The following DOT1L variants were observed in gnomAD, a reference collection of about 807,000 sequenced individuals.
DOT1L encodes histone-lysine N-methyltransferase, H3 lysine-79 specific.
A neutral mutation model predicts 153.3 loss-of-function variants in DOT1L; 33 were observed. The observed-to-expected ratio is 0.22, with a 90% CI of 0.16 to 0.29. DOT1L has a LOEUF of 0.29. DOT1L is among the 10% of genes least tolerant of loss of function. The pLI is 1.00. For missense variants in DOT1L, 1,847 were observed against 2,119.9 expected, an observed-to-expected ratio of 0.87 and a Z score of 2.53; for synonymous variants, 1,135 against 965.1, an observed-to-expected ratio of 1.18 and a Z score of -3.26.
intron 1 of DOT1L, among the ~76,000 whole-genome samples, chr19:2,172,006 C>T (rs1010399880): frequency 6.6e-6 from 1 of 152,100 alleles, no homozygotes; most frequent in South Asian, 2.1e-4. Flanking sequence ...CAGATGGTCA[C>T]ATTGTGCAAA....
At chr19:2,218,054 G>T (rs1599606384) in intron 22 of DOT1L, 136 bp downstream of exon 22, 1 of 1,304,902 alleles carries the variant, frequency 7.7e-7, no homozygotes, top group Non-Finnish European at 1.0e-6. Flanking sequence ...AAGGTGGGCT[G>T]TCCAAAGCCG....
chr19:2,177,390 G>A (rs1425406862), intron 1 of DOT1L, among the ~76,000 whole-genome samples: 3 of 151,908 alleles, frequency 2.0e-5, no homozygotes, highest in Non-Finnish European at 4.4e-5. Flanking sequence ...TCTGCCTCCC[G>A]GGTTCAAGCA....
At chr19:2,198,524 G>T (rs971882820) in intron 7 of DOT1L, among the ~76,000 whole-genome samples, 6 of 152,222 alleles carry the variant, frequency 3.9e-5, no homozygotes, top group Admixed American at 6.5e-5. Context: ...GGGGCTGAGT[G>T]GGTGGGCCAC....
rs1039667580 is a variant in DOT1L at position 2,207,322 on chromosome 19, C to G, written c.857-252C>G. On this transcript the variant is annotated intron_variant, in intron 10 of 27. Coordinates refer to ENST00000398665, the MANE Select transcript of DOT1L (RefSeq NM_032482.3). The surrounding 1 kb of genome is among the most constrained non-coding windows in gnomAD (Gnocchi z 4.5). ...TAAGTCGCTTCCAGATCTTCTCCCCCTCCTTTTCCATTCCACTCAGCTGGG... is the reference window on the plus strand; with the variant it reads ...TAAGTCGCTTCCAGATCTTCTCCCCGTCCTTTTCCATTCCACTCAGCTGGG... Among the ~76,000 whole-genome samples, 1 of 152,242 alleles carries G rather than the reference C, an allele frequency of 6.6e-6. No individual in the cohort carries two copies. Among genetic ancestry groups the G allele is most frequent in the Non-Finnish European group, 1.5e-5 (1 of 68,034 alleles).
intron 1 of DOT1L, among the ~76,000 whole-genome samples, chr19:2,174,956 A>ATGTGTG (rs1473025203): frequency 2.2e-4 from 22 of 100,522 alleles, no homozygotes; most frequent in South Asian, 3.9e-4. Flanking sequence ...GTTTTTAAAT[A>ATGTGTG]TATGTGTGTG....
At chr19:2,213,700 A>C (rs1172890340) in intron 17 of DOT1L, 60 bp downstream of exon 17, 17 of 1,606,076 alleles carry the variant, frequency 1.1e-5, no homozygotes, top group Non-Finnish European at 1.3e-5. Context: ...GGGGTGGTCC[A>C]TGTCCGTCGG....
In DOT1L at chr19:2,204,962, C is replaced by G. The variant is rs1599583567; in HGVS notation, c.788-1767C>G. Among the ~76,000 whole-genome samples, 1 of 151,954 alleles carries G rather than the reference C, an allele frequency of 6.6e-6. No individual in the cohort carries two copies. The highest frequency in any genetic ancestry group is 1.5e-5 in the Non-Finnish European group (1 of 67,968). ...GTGTGCATGTGTTTAAATGGATCCA[C>G]TTTGACTTTTAATTTTTTTTTTTTT... On this transcript the variant is annotated intron_variant, in intron 9 of 27. Coordinates refer to ENST00000398665, the MANE Select transcript of DOT1L (RefSeq NM_032482.3). This position sits in a 1 kb window ranked among gnomAD's most constrained non-coding sequence, Gnocchi z 5.7.
rs544855720 is a variant in DOT1L, at chr19:2,226,292, G to A, written c.3771G>A (p.Ala1257=). 47 of 1,597,280 alleles carry A rather than the reference G, an allele frequency of 2.9e-5. No homozygotes were observed. The highest frequency in any genetic ancestry group is 8.5e-5 in the Admixed American group (5 of 58,652). ...PISDIGLAKS[A]DSPLQASSAL... ...CCGACATCGGCCTGGCCAAGTCGGC[G>A]GACAGCCCGCTGCAGGCCAGCTCCG... Residue 1257 remains alanine (A), a synonymous_variant, in exon 27 of 28, where the codon GCG becomes GCA. Coordinates refer to ENST00000398665, the MANE Select transcript of DOT1L (RefSeq NM_032482.3).
chr19:2,212,594 C>G (rs1042362261), intron 16 of DOT1L: 1 of 152,238 alleles, frequency 6.6e-6, no homozygotes, highest in African/African-American at 2.4e-5. Flanking sequence ...AAAGCCAGCT[C>G]TTTTGCAGGC....
rs5826758 is a variant in DOT1L, at chr19:2,206,521, C to CA, written c.788-185dup. Among the ~76,000 whole-genome samples, 712 of 80,150 alleles carry CA rather than the reference C, an allele frequency of 8.9e-3. 6 individuals carry two copies. Among genetic ancestry groups the CA allele is most frequent in the Non-Finnish European group, 0.012 (489 of 40,268 alleles). 52.6% of individuals were successfully genotyped at this position (80,150 alleles called of 152,430 possible). ...TGCAGTGAGCCGGGAGACTCTGTCTCAAAAAAAAAAAAAAAAAAAAAAAGT... is the reference window on the plus strand; with the variant it reads ...TGCAGTGAGCCGGGAGACTCTGTCTCAAAAAAAAAAAAAAAAAAAAAAAAGT... On this transcript the variant is annotated intron_variant, in intron 9 of 27. Transcript: ENST00000398665.
intron 7 of DOT1L, 138 bp downstream of exon 7, chr19:2,194,715 C>T (rs2022946212): frequency 1.3e-6 from 1 of 755,172 alleles, no homozygotes; most frequent in Middle Eastern, 4.1e-4. Context: ...CCCTCTGGTT[C>T]TCGTAGGGCT....
intron 8 of DOT1L, among the ~76,000 whole-genome samples, chr19:2,200,779 TCATTCCTCGTCCTCCCCG>T (rs1196335569): frequency 7.8e-5 from 10 of 128,346 alleles, no homozygotes; most frequent in South Asian, 2.6e-4. Flanking sequence ...CATCCTCCCC[TCATTCCTCGTCCTCCCCG>T]CATTCCTCGT....
intron 1 of DOT1L, among the ~76,000 whole-genome samples, chr19:2,169,870 C>T (rs542834925): frequency 1.2e-4 from 19 of 152,278 alleles, no homozygotes; most frequent in African/African-American, 3.6e-4. Flanking sequence ...AAAAAACACA[C>T]GGTTGCCCAG....
At chr19:2,228,288 G>T in intron 27 of DOT1L, 1 of 1,354,122 alleles carries the variant, frequency 7.4e-7, no homozygotes, top group African/African-American at 1.5e-5. Context: ...CGCGGTGTGG[G>T]TGTCCCTCGG....
chr19:2,229,939 C>A lies in DOT1L; in HGVS notation c.*147C>A. On this transcript the variant is annotated 3_prime_UTR_variant, in exon 28 of 28. Transcript: ENST00000398665. ...AGCTCCACTGTGAATCGGCGGCACGCGCCGCAGGAGGCTGGGACTGGTCCA... is the reference window on the plus strand; with the variant it reads ...AGCTCCACTGTGAATCGGCGGCACGAGCCGCAGGAGGCTGGGACTGGTCCA... The A allele has an allele frequency of 7.1e-7, 1 of 1,403,492 alleles. No homozygotes were observed. Among genetic ancestry groups the A allele is most frequent in the Non-Finnish European group, 9.9e-7 (1 of 1,006,062 alleles). 86.9% of individuals were successfully genotyped at this position (1,403,492 alleles called of 1,614,324 possible).
rs1481136751 is a variant in DOT1L, at chr19:2,208,184, G to A, written c.963+504G>A. ...GTGCGGCCTGCCTGCCTCCCACGGT[G>A]CTTCCCCCCCGGGCACGAGTATCCC... On this transcript the variant is annotated intron_variant, in intron 11 of 27. Coordinates refer to ENST00000398665, the MANE Select transcript of DOT1L (RefSeq NM_032482.3). This position sits in a 1 kb window ranked among gnomAD's most constrained non-coding sequence, Gnocchi z 4.4. Among the ~76,000 whole-genome samples, 1 of 152,082 alleles carries A rather than the reference G, an allele frequency of 6.6e-6. No homozygotes were observed. The highest frequency in any genetic ancestry group is 1.5e-5 in the Non-Finnish European group (1 of 67,978).
intron 1 of DOT1L, among the ~76,000 whole-genome samples, chr19:2,178,829 C>T (rs894319349): frequency 2.0e-5 from 3 of 152,090 alleles, no homozygotes; most frequent in Non-Finnish European, 2.9e-5. Context: ...CTTCCCAAAG[C>T]GCTGGGATTC....
Position 2,226,423 on chromosome 19 carries a change from C to T in DOT1L, c.3902C>T (p.Ser1301Leu), listed in dbSNP as rs983168527. 14 of 1,600,244 alleles carry T rather than the reference C, an allele frequency of 8.7e-6. No individual in the cohort carries two copies. Among genetic ancestry groups the T allele is most frequent in the African/African-American group, 5.3e-5 (4 of 74,864 alleles). Residue 1301 changes from serine (S) to leucine (L), a missense_variant, in exon 27 of 28, where the codon TCG becomes TTG. Physicochemically the swap from Ser to Leu is moderately radical, Grantham distance 145. Coordinates refer to ENST00000398665, the MANE Select transcript of DOT1L (RefSeq NM_032482.3). Reference protein sequence around the residue: ...HPRKGFPGSLSGADGLSPGTN... With the variant: ...HPRKGFPGSLLGADGLSPGTN... Reference sequence around the variant, plus strand: ...AGGAAAGGCTTTCCCGGCTCCCTGTCGGGGGCTGACGGACTCAGCCCGGGC... The same window carrying T: ...AGGAAAGGCTTTCCCGGCTCCCTGTTGGGGGCTGACGGACTCAGCCCGGGC...
Position 2,208,475 on chromosome 19 carries a change from G to C in DOT1L, c.964-460G>C, listed in dbSNP as rs2023588249. 6.6e-6 allele frequency among the ~76,000 whole-genome samples: 1 copy of C among 152,156 alleles called. No homozygotes were observed. Among genetic ancestry groups the C allele is most frequent in the African/African-American group, 2.4e-5 (1 of 41,434 alleles). ...CCCACTGCTCCCCCGAGGGCCCTGG[G>C]ACGAGAGGCATGGTGAGCTGAGGCT... On this transcript the variant is annotated intron_variant, in intron 11 of 27. Transcript: ENST00000398665. The surrounding 1 kb of genome is among the most constrained non-coding windows in gnomAD (Gnocchi z 4.4).
Sources: allele counts gnomAD v4.1 joint callset (sites outside exome capture counted in the v4.1 genomes callset), GRCh38; gene constraint gnomAD v4.1.1; non-coding constraint Gnocchi (gnomAD v3.1); transcripts MANE v1.5; gene names NCBI Gene and HGNC (gene_info 2026-07-23, HGNC 2026-07-21).